The following TSGA13 variants were observed in gnomAD, a reference collection of about 807,000 sequenced individuals.
TSGA13 encodes testis-specific gene 13 protein.
A neutral mutation model predicts 35.1 loss-of-function variants in TSGA13; 37 were observed. The ratio of observed to expected loss-of-function variants is 1.05; its 90% CI spans 0.81 to 1.39. The LOEUF is 1.39. Ranked by LOEUF, TSGA13 falls within the 40% of genes most tolerant of loss-of-function variation. The pLI is 0.00. For missense variants in TSGA13, 338 were observed against 328.5 expected, an observed-to-expected ratio of 1.03 and a Z score of -0.22; for synonymous variants, 124 against 121.2, an observed-to-expected ratio of 1.02 and a Z score of -0.15.
At chr7:130,675,716 CTTTTAGCTTTCAT>C (rs2116310966) in intron 5 of TSGA13, among the ~76,000 whole-genome samples, 1 of 152,334 alleles carries the variant, frequency 6.6e-6, no homozygotes, top group African/African-American at 2.4e-5. Context: ...CTTATGTGTC[CTTTTAGCTTTCAT>C]TCCTACTGCT....
Position 130,668,918 on chromosome 7 carries a change from G to GC in TSGA13, c.*95dup. Reference sequence around the variant, plus strand: ...CCCGGCTTGCGACCCGGGAGCCCACGCCCGCAGCAGCAGGAATGTGGTTTT... The same window carrying GC: ...CCCGGCTTGCGACCCGGGAGCCCACGCCCCGCAGCAGCAGGAATGTGGTTTT... On this transcript the variant is annotated 3_prime_UTR_variant, in exon 8 of 8. Transcript: ENST00000356588. 1 of 1,497,158 alleles carries GC rather than the reference G, an allele frequency of 6.7e-7. No homozygotes were observed. The highest frequency in any genetic ancestry group is 8.9e-7 in the Non-Finnish European group (1 of 1,117,810). The allele number at this position is 1,497,158 out of a possible 1,614,324, so 92.7% of individuals were successfully genotyped here. A position where few individuals can be genotyped will look rare whatever the true frequency, so the allele number is the denominator to read the frequency against.
At chr7:130,670,125 G>C (rs1168200066) in intron 7 of TSGA13, among the ~76,000 whole-genome samples, 1 of 152,198 alleles carries the variant, frequency 6.6e-6, no homozygotes, top group Admixed American at 6.5e-5. Context: ...CAGCTTTTCT[G>C]TATATCTATG....
At chr7:130,674,185 T>G (rs1364178181) in intron 5 of TSGA13, among the ~76,000 whole-genome samples, 1 of 140,800 alleles carries the variant, frequency 7.1e-6, no homozygotes, top group Non-Finnish European at 1.6e-5. Context: ...TTTTTTTTTT[T>G]TTTTGAGATA....
chr7:130,680,149 A>G (rs1796510303), intron 4 of TSGA13, among the ~76,000 whole-genome samples: 1 of 152,188 alleles, frequency 6.6e-6, no homozygotes, highest in Non-Finnish European at 1.5e-5. Flanking sequence ...GTAATGTTCC[A>G]TATTTACGTC....
At chr7:130,685,840 T>A (rs1232552288) in intron 1 of TSGA13, among the ~76,000 whole-genome samples, 4 of 152,028 alleles carry the variant, frequency 2.6e-5, no homozygotes, top group African/African-American at 9.7e-5. Flanking sequence ...CAATTAGAAA[T>A]GGAAGATACA....
rs781977299 is a variant in TSGA13, at chr7:130,668,986, C to T, written c.*28G>A. Reference sequence around the variant, plus strand: ...TGCGGACCCCTCAGTCTCAAGAGAGCGAGGCGGGAGGACTGAGGGGTCTGT... The same window carrying T: ...TGCGGACCCCTCAGTCTCAAGAGAGTGAGGCGGGAGGACTGAGGGGTCTGT... On this transcript the variant is annotated 3_prime_UTR_variant, in exon 8 of 8. Coordinates refer to ENST00000356588, the MANE Select transcript of TSGA13 (RefSeq NM_052933.4). 1.9e-6 allele frequency: 3 copies of T among 1,609,484 alleles called. No homozygotes were observed. In the South Asian group the frequency reaches 3.3e-5, roughly 18 times the overall value.
At chr7:130,679,132 G>T in intron 5 of TSGA13, 23 bp downstream of exon 5, 1 of 1,587,888 alleles carries the variant, frequency 6.3e-7, no homozygotes, top group Non-Finnish European at 8.6e-7. Flanking sequence ...TCACATTTTG[G>T]GTGCCAGGAG....
At chr7:130,669,975 T>G (rs1554462717) in intron 7 of TSGA13, among the ~76,000 whole-genome samples, 1 of 152,174 alleles carries the variant, frequency 6.6e-6, no homozygotes, top group African/African-American at 2.4e-5. Flanking sequence ...AGAGACAGTG[T>G]AGATAATAGG....
At chr7:130,678,408 G>A (rs1796461729) in intron 5 of TSGA13, among the ~76,000 whole-genome samples, 1 of 151,994 alleles carries the variant, frequency 6.6e-6, no homozygotes, top group Non-Finnish European at 1.5e-5. Context: ...TGGCTACTGT[G>A]ATGGCAAATT....
At chr7:130,685,103 A>G (rs1173137925) in intron 2 of TSGA13, 85 bp downstream of exon 2, 1 of 1,340,956 alleles carries the variant, frequency 7.5e-7, no homozygotes, top group Non-Finnish European at 1.1e-6. Flanking sequence ...CTCTGTGACC[A>G]GCACCATTCA....
chr7:130,673,986 T>A (rs1796347125), intron 5 of TSGA13, among the ~76,000 whole-genome samples: 1 of 151,374 alleles, frequency 6.6e-6, no homozygotes, highest in African/African-American at 2.4e-5. Flanking sequence ...TCCCAGCTAC[T>A]TGGGAGGCTG....
chr7:130,669,529 C>T (rs1487731567), intron 7 of TSGA13, among the ~76,000 whole-genome samples: 2 of 152,304 alleles, frequency 1.3e-5, no homozygotes, highest in East Asian at 3.9e-4. Flanking sequence ...TGTATGCTGG[C>T]TTTCTGTTCT....
chr7:130,685,138 T>G (rs1796633013), intron 2 of TSGA13, 50 bp downstream of exon 2: 2 of 1,576,162 alleles, frequency 1.3e-6, no homozygotes, highest in Non-Finnish European at 1.7e-6. Flanking sequence ...ATGCAATAAG[T>G]TAATATAAAG....
At chr7:130,679,436 G>A in intron 4 of TSGA13, 69 bp from the exon 5 acceptor site, 2 of 1,374,452 alleles carry the variant, frequency 1.5e-6, no homozygotes, top group Non-Finnish European at 2.0e-6. Context: ...AAATCGGTTG[G>A]CTGATACTTA....
intron 7 of TSGA13, among the ~76,000 whole-genome samples, chr7:130,671,401 G>C (rs1796265416): frequency 6.6e-6 from 1 of 151,986 alleles, no homozygotes; most frequent in Non-Finnish European, 1.5e-5. Flanking sequence ...ACATCAATAT[G>C]GCAAAAACTA....
chr7:130,686,198 G>C (rs1554465717), intron 1 of TSGA13, 64 bp downstream of exon 1: 1 of 152,166 alleles, frequency 6.6e-6, no homozygotes, highest in Admixed American at 6.5e-5. Flanking sequence ...TGACAAGACT[G>C]AGCTAAACCC....
chr7:130,673,196 T>C (rs1357396244), intron 5 of TSGA13, among the ~76,000 whole-genome samples: 1 of 152,218 alleles, frequency 6.6e-6, no homozygotes, highest in Non-Finnish European at 1.5e-5. Context: ...GTGAAGTCCT[T>C]GGGGAAGTAA....
chr7:130,685,007 A>G (rs1001625818), intron 2 of TSGA13, among the ~76,000 whole-genome samples, 181 bp downstream of exon 2: 3 of 152,040 alleles, frequency 2.0e-5, no homozygotes, highest in Non-Finnish European at 2.9e-5. Flanking sequence ...TTTCTTTTTG[A>G]CAAAAGCAAC....
chr7:130,675,764 G>C (rs1796398697), intron 5 of TSGA13, among the ~76,000 whole-genome samples: 1 of 152,204 alleles, frequency 6.6e-6, no homozygotes. Context: ...TCTCAATTCA[G>C]AGACCTGGAA....
Sources: allele counts gnomAD v4.1 joint callset (sites outside exome capture counted in the v4.1 genomes callset), GRCh38; gene constraint gnomAD v4.1.1; transcripts MANE v1.5; gene names NCBI Gene and HGNC (gene_info 2026-07-23, HGNC 2026-07-21).